NOTCH2: variants seen among roughly 807,000 people sequenced by gnomAD.
NOTCH2 encodes the protein neurogenic locus notch homolog protein 2.
A neutral mutation model predicts 235.8 loss-of-function variants in NOTCH2; 29 were observed. The observed-to-expected ratio is 0.12, with a 90% CI of 0.09 to 0.17. The LOEUF (loss-of-function observed/expected upper bound fraction) is 0.17. Among genes scored for constraint, NOTCH2 ranks in the 10% least tolerant of loss-of-function variants. The pLI is 1.00. For synonymous variants in NOTCH2, 1,086 were observed against 1,141.5 expected, an observed-to-expected ratio of 0.95 and a Z score of 0.98; for missense variants, 2,285 against 3,150.2, an observed-to-expected ratio of 0.73 and a Z score of 6.57.
At chr1:119,990,466 ATATAAAT>A (rs1553202779) in intron 4 of NOTCH2, among the ~76,000 whole-genome samples, 3 of 137,178 alleles carry the variant, frequency 2.2e-5, no homozygotes, top group African/African-American at 8.2e-5. Flanking sequence ...ATTGTATGGT[ATATAAAT>A]TATATCTCAA....
intron 30 of NOTCH2, 133 bp from the exon 31 acceptor site, chr1:119,919,746 A>G: frequency 3.5e-6 from 3 of 859,922 alleles, no homozygotes; most frequent in South Asian, 2.9e-5. Flanking sequence ...GTAACTGGTT[A>G]TTAGTTTCAC....
At chr1:119,932,256 A>G (rs1165705914) in intron 22 of NOTCH2, among the ~76,000 whole-genome samples, 1 of 152,140 alleles carries the variant, frequency 6.6e-6, no homozygotes, top group Non-Finnish European at 1.5e-5. Flanking sequence ...AAAATATGGT[A>G]TGCCTGTAAA....
rs1649013448 is a variant in NOTCH2, at chr1:119,914,938, C to G, written c.*368G>C. The G allele has an allele frequency of 2.5e-6, 1 of 401,888 alleles. No individual in the cohort carries two copies. The highest frequency in any genetic ancestry group is 4.0e-5 in the Admixed American group (1 of 24,702). The allele number at this position is 401,888 out of a possible 1,614,324, so 24.9% of individuals were successfully genotyped here. A position where few individuals can be genotyped will look rare whatever the true frequency, so the allele number is the denominator to read the frequency against. ...TCCCAACAGGACGCTAGTGTAGAAT[C>G]TTCTCATGGATATGGCAGAAGCCTG... On this transcript the variant is annotated 3_prime_UTR_variant, in exon 34 of 34. Transcript: ENST00000256646.
chr1:119,983,111 T>A (rs1293731514), intron 5 of NOTCH2, among the ~76,000 whole-genome samples: 2 of 152,216 alleles, frequency 1.3e-5, no homozygotes, highest in Non-Finnish European at 2.9e-5. Flanking sequence ...TTATGTTATA[T>A]TTAATTCAAT....
At chr1:120,021,221 TA>T (rs1351328879) in intron 2 of NOTCH2, among the ~76,000 whole-genome samples, 3 of 114,668 alleles carry the variant, frequency 2.6e-5, no homozygotes, top group African/African-American at 7.0e-5. Flanking sequence ...AAAACTCAAC[TA>T]AAAGAAATAT....
chr1:119,931,811 C>T (rs1649670623), intron 22 of NOTCH2, among the ~76,000 whole-genome samples: 1 of 151,350 alleles, frequency 6.6e-6, no homozygotes, highest in South Asian at 2.1e-4. Context: ...AATCCAGAAG[C>T]CATTTTAAAA....
intron 9 of NOTCH2, 151 bp downstream of exon 9, chr1:119,966,225 C>T (rs1291084133): frequency 1.5e-6 from 1 of 685,482 alleles, no homozygotes; most frequent in East Asian, 2.7e-5. Flanking sequence ...AACAAATTCT[C>T]TATTTCTGTA....
chr1:120,048,541 G>T (rs1362200874), intron 1 of NOTCH2, among the ~76,000 whole-genome samples: 2 of 131,790 alleles, frequency 1.5e-5, no homozygotes, highest in Admixed American at 1.5e-4. Context: ...CTCAACCTCT[G>T]GGGCTCAAGC....
intron 2 of NOTCH2, among the ~76,000 whole-genome samples, chr1:120,024,049 G>A (rs1653745727): frequency 6.6e-6 from 1 of 151,468 alleles, no homozygotes; most frequent in South Asian, 2.1e-4. Flanking sequence ...CAAGAAAACA[G>A]CATTCTTTGT....
At chr1:119,972,635 G>A (rs1651411778) in intron 5 of NOTCH2, among the ~76,000 whole-genome samples, 1 of 152,206 alleles carries the variant, frequency 6.6e-6, no homozygotes, top group Admixed American at 6.5e-5. Context: ...TGGCACTCTT[G>A]GGAGAGGAAA....
At chr1:120,038,203 G>A (rs1265948857) in intron 1 of NOTCH2, among the ~76,000 whole-genome samples, 1 of 152,158 alleles carries the variant, frequency 6.6e-6, no homozygotes, top group Non-Finnish European at 1.5e-5. Context: ...TGAGACTAAT[G>A]TATTCAGCTC....
chr1:119,996,087 G>T (rs1195512597), intron 4 of NOTCH2: 2 of 154,422 alleles, frequency 1.3e-5, no homozygotes, highest in African/African-American at 4.8e-5. Context: ...TATAAAAACA[G>T]GATCTTTGTT....
chr1:119,961,933 T>C (rs1176605600), intron 11 of NOTCH2, among the ~76,000 whole-genome samples: 2 of 152,228 alleles, frequency 1.3e-5, no homozygotes, highest in Non-Finnish European at 1.5e-5. Flanking sequence ...ATGCCTCTTT[T>C]AATGGATTTT....
chr1:119,934,328 ATTAC>A (rs1404993282), intron 22 of NOTCH2, among the ~76,000 whole-genome samples: 3 of 152,198 alleles, frequency 2.0e-5, no homozygotes, highest in African/African-American at 4.8e-5. Flanking sequence ...CGAAAAATAA[ATTAC>A]TTAGTCTCAG....
Position 119,963,373 on chromosome 1 carries a change from G to C in NOTCH2, c.1915+201C>G, listed in dbSNP as rs10923929. 0.67 allele frequency among the ~76,000 whole-genome samples: 101,254 copies of C among 152,228 alleles called. 40,875 individuals are homozygous for C. Among genetic ancestry groups the C allele is most frequent in the East Asian group, 0.9 (4,677 of 5,186 alleles). ...AACACACACACAAAATCATCAGATT[G>C]GCAGAGCTATTGTCTCTGACTTCTC... On this transcript the variant is annotated intron_variant, in intron 11 of 33. Coordinates refer to ENST00000256646, the MANE Select transcript of NOTCH2 (RefSeq NM_024408.4).
intron 3 of NOTCH2, among the ~76,000 whole-genome samples, chr1:120,002,692 GTCTGTGCTTGCACACAC>G (rs1652813467): frequency 7.0e-6 from 1 of 143,398 alleles, no homozygotes; most frequent in Non-Finnish European, 1.5e-5. Flanking sequence ...TTAAAAACAT[GTCTGTGCTTGCACACAC>G]TTGTACTAAG....
At chr1:119,995,185 G>GT (rs1553203920) in intron 4 of NOTCH2, 1 of 139,566 alleles carries the variant, frequency 7.2e-6, no homozygotes, top group Non-Finnish European at 1.5e-5. Flanking sequence ...TACTATTCTA[G>GT]TTTGACAGAT....
intron 26 of NOTCH2, 74 bp from the exon 27 acceptor site, chr1:119,922,852 T>C (rs1330909436): frequency 1.3e-6 from 2 of 1,592,194 alleles, no homozygotes; most frequent in African/African-American, 1.3e-5. Flanking sequence ...AGGCAGAACA[T>C]GTCATAAAGG....
At chr1:119,967,748 T>C in intron 7 of NOTCH2, 127 bp from the exon 8 acceptor site, 3 of 845,222 alleles carry the variant, frequency 3.5e-6, no homozygotes. Context: ...CCCAATTTTC[T>C]ATTTTTTTTT....
Sources: allele counts gnomAD v4.1 joint callset (sites outside exome capture counted in the v4.1 genomes callset), GRCh38; gene constraint gnomAD v4.1.1; transcripts MANE v1.5; gene names NCBI Gene and HGNC (gene_info 2026-07-23, HGNC 2026-07-21).